Variants in RTKN2 observed in about 807,000 individuals in gnomAD.
RTKN2 encodes rhotekin 2, also known as rhotekin-2.
RTKN2 carries 69 observed loss-of-function variants against 71.5 expected under a neutral mutation model. The observed-to-expected ratio is 0.96, with a 90% CI of 0.79 to 1.18. RTKN2 has a LOEUF of 1.18. Ranked by LOEUF, RTKN2 falls within the 50% of genes most tolerant of loss-of-function variation. RTKN2 has a pLI of 0.00. For synonymous variants in RTKN2, 236 were observed against 236.5 expected (o/e 1.00, Z 0.02); for missense variants, 724 against 719.7 (o/e 1.01, Z -0.07).
At chr10:62,263,507 A>G (rs1387806053) in intron 1 of RTKN2, among the ~76,000 whole-genome samples, 2 of 152,222 alleles carry the variant, frequency 1.3e-5, no homozygotes, top group Non-Finnish European at 2.9e-5. Flanking sequence ...GCCTTAGAAA[A>G]CATACAATAA....
At chr10:62,238,006 C>CT (rs755269479) in intron 5 of RTKN2, among the ~76,000 whole-genome samples, 1 of 151,776 alleles carries the variant, frequency 6.6e-6, no homozygotes, top group Non-Finnish European at 1.5e-5. Context: ...ATAAAATATA[C>CT]TTAAGACTGC....
At chr10:62,184,283 T>A (rs1841100229) in exon 9 of RTKN2, 1 of 1,320,934 alleles carries the variant, frequency 7.6e-7, no homozygotes, top group Non-Finnish European at 1.1e-6. Context: ...CATTGTATTT[T>A]AAATTTTTCA....
At chr10:62,243,404 A>G (rs1311985142) in intron 3 of RTKN2, among the ~76,000 whole-genome samples, 1 of 151,984 alleles carries the variant, frequency 6.6e-6, no homozygotes, top group Admixed American at 6.5e-5. Flanking sequence ...GCTTGACCAC[A>G]GCTGCTGACT....
chr10:62,189,597 G>A (rs1021792961), downstream of RTKN2, among the ~76,000 whole-genome samples: 2 of 152,068 alleles, frequency 1.3e-5, no homozygotes, highest in African/African-American at 4.8e-5. Context: ...AGGCTGAGGC[G>A]GGCAGATCAC....
intron 2 of RTKN2, among the ~76,000 whole-genome samples, chr10:62,255,940 G>T (rs1265381836): frequency 6.6e-6 from 1 of 151,922 alleles, no homozygotes; most frequent in Admixed American, 6.6e-5. Flanking sequence ...TATGAGAAAA[G>T]GTTCAATGAT....
intron 4 of RTKN2, among the ~76,000 whole-genome samples, chr10:62,240,403 A>C (rs551009091): frequency 6.6e-6 from 1 of 152,086 alleles, no homozygotes; most frequent in Non-Finnish European, 1.5e-5. Context: ...AGAAAAACTT[A>C]CTCTCTTTAG....
chr10:62,204,004 G>C (rs1057215303), intron 10 of RTKN2, among the ~76,000 whole-genome samples: 2 of 152,188 alleles, frequency 1.3e-5, no homozygotes, highest in African/African-American at 4.8e-5. Flanking sequence ...CCAGAAAACA[G>C]AATTCCTAAA....
intron 10 of RTKN2, among the ~76,000 whole-genome samples, chr10:62,200,932 C>T (rs141622056): frequency 1.2e-3 from 188 of 152,072 alleles, no homozygotes; most frequent in Non-Finnish European, 2.1e-3. Flanking sequence ...TGAGTGTGGA[C>T]ATTAATTTTT....
intron 9 of RTKN2, among the ~76,000 whole-genome samples, chr10:62,210,757 T>C (rs1841643330): frequency 6.6e-6 from 1 of 152,062 alleles, no homozygotes; most frequent in Non-Finnish European, 1.5e-5. Flanking sequence ...TTAGTATCAG[T>C]TTAATATAAT....
At chr10:62,232,492 G>A (rs1348911226) in intron 6 of RTKN2, among the ~76,000 whole-genome samples, 1 of 151,530 alleles carries the variant, frequency 6.6e-6, no homozygotes, top group Non-Finnish European at 1.5e-5. Context: ...AGTAGAGAAG[G>A]GGTTTCACCA....
chr10:62,190,155 T>C (rs2132762522), downstream of RTKN2, among the ~76,000 whole-genome samples: 1 of 152,322 alleles, frequency 6.6e-6, no homozygotes, highest in South Asian at 2.1e-4. Flanking sequence ...AAATGGATTT[T>C]CATTTAGGGC....
chr10:62,245,869 A>G, intron 3 of RTKN2, 130 bp downstream of exon 3: 4 of 621,852 alleles, frequency 6.4e-6, no homozygotes. Context: ...ACAGTGTTTT[A>G]GAACAAATAT....
Position 62,197,205 on chromosome 10 carries a change from T to C in RTKN2, c.*703A>G. 1 of 985,584 alleles carries C rather than the reference T, an allele frequency of 1.0e-6. No homozygotes were observed. The highest frequency in any genetic ancestry group is 1.2e-6 in the Non-Finnish European group (1 of 829,724). 61.1% of individuals were successfully genotyped at this position (985,584 alleles called of 1,614,324 possible). ...ACAGAAAATTGAATGTAAAGAGCAT[T>C]TCATCTACCATTTCTCTAAACTAGT... On this transcript the variant is annotated 3_prime_UTR_variant, in exon 12 of 12. Coordinates refer to ENST00000373789, the MANE Select transcript of RTKN2 (RefSeq NM_145307.4).
chr10:62,242,505 T>C (rs1746313169), intron 3 of RTKN2, among the ~76,000 whole-genome samples: 1 of 152,196 alleles, frequency 6.6e-6, no homozygotes, highest in South Asian at 2.1e-4. Flanking sequence ...GATTTTAAGA[T>C]AAACTACCAC....
At chr10:62,207,541 C>A (rs1303286539) in intron 9 of RTKN2, among the ~76,000 whole-genome samples, 2 of 151,984 alleles carry the variant, frequency 1.3e-5, no homozygotes, top group Non-Finnish European at 2.9e-5. Flanking sequence ...AACAATAGTT[C>A]TCACGTCTTC....
chr10:62,189,577 G>A (rs781705830), downstream of RTKN2, among the ~76,000 whole-genome samples: 25 of 152,152 alleles, frequency 1.6e-4, no homozygotes, highest in Non-Finnish European at 2.9e-5. Flanking sequence ...TGTAATCCCA[G>A]CACTTTGGAA....
intron 11 of RTKN2, among the ~76,000 whole-genome samples, chr10:62,198,977 A>G (rs1244841080): frequency 6.6e-6 from 1 of 152,198 alleles, no homozygotes; most frequent in African/African-American, 2.4e-5. Context: ...CCAAAAACCC[A>G]GGAAAACAGA....
chr10:62,238,122 T>C (rs192597984), intron 5 of RTKN2: 7 of 152,052 alleles, frequency 4.6e-5, no homozygotes, highest in Non-Finnish European at 8.8e-5. Flanking sequence ...ATGGCCAATC[T>C]ATAGTTTGAA....
downstream of RTKN2, among the ~76,000 whole-genome samples, chr10:62,191,224 G>A (rs1180115943): frequency 6.6e-6 from 1 of 152,066 alleles, no homozygotes; most frequent in East Asian, 1.9e-4. Flanking sequence ...TGGAACTCTC[G>A]GCTCAAGTTA....
Sources: allele counts gnomAD v4.1 joint callset (sites outside exome capture counted in the v4.1 genomes callset), GRCh38; gene constraint gnomAD v4.1.1; transcripts MANE v1.5; gene names NCBI Gene and HGNC (gene_info 2026-07-23, HGNC 2026-07-21).